PKD1: variants seen among roughly 807,000 people sequenced by gnomAD.
PKD1 encodes the protein polycystin-1.
A neutral mutation model predicts 361.7 loss-of-function variants in PKD1; 81 were observed. That is an observed-to-expected ratio of 0.22 (90% CI 0.19 to 0.27). The LOEUF is 0.27. Ranked by LOEUF, PKD1 falls within the 10% of genes least tolerant of loss-of-function variation. The probability of loss-of-function intolerance (pLI) is 1.00; values close to 1 mark genes in which losing one functional copy is unlikely to be tolerated. For synonymous variants in PKD1, 3,615 were observed against 2,818.3 expected (o/e 1.28, Z -8.95); for missense variants, 6,399 against 6,118.3 (o/e 1.05, Z -1.53).
chr16:2,124,498 C>G (rs947234819), intron 1 of PKD1, among the ~76,000 whole-genome samples: 1 of 152,202 alleles, frequency 6.6e-6, no homozygotes, highest in African/African-American at 2.4e-5. Context: ...GAGCCGGGGT[C>G]GGGGAATGCA....
rs765015291 is a variant in PKD1 at position 2,090,210 on chromosome 16, G to A, written c.12445-16C>T. 7 of 1,607,772 alleles carry A rather than the reference G, an allele frequency of 4.4e-6. No individual in the cohort carries two copies. In the African/African-American group the frequency reaches 6.7e-5, roughly 15 times the overall value. On this transcript the variant is annotated splice_polypyrimidine_tract_variant and intron_variant, in intron 45 of 45. Transcript: ENST00000262304. ...TGTGGCGGAACTGGGGGCGGCACAGGGGCTCAGTCAGTCCGGCTGCACCCT... is the reference window on the plus strand; with the variant it reads ...TGTGGCGGAACTGGGGGCGGCACAGAGGCTCAGTCAGTCCGGCTGCACCCT...
chr16:2,116,259 G>T (rs548774877), intron 8 of PKD1, 141 bp from the exon 9 acceptor site: 3 of 903,672 alleles, frequency 3.3e-6, no homozygotes, highest in African/African-American at 1.6e-5. Context: ...CCTGTCGCTC[G>T]AGAGGAAGAC....
At position 2,091,088 on chromosome 16, in the gene PKD1, G is replaced by C. The variant is rs900006933; in HGVS notation, c.11799C>G (p.Leu3933=). ...HREGRWRVLR[L]GAWARWLLVA... The stretch of plus-strand genomic sequence containing the variant: ...CCAGCAGCCACCGCGCCCAGGCTCC[G>C]AGCCGCAGCACGCGCCAGCGCCCTT... The change falls in exon 43 of 46, where the codon CTC becomes CTG. Residue 3933 remains leucine, a synonymous_variant. Transcript: ENST00000262304. The C allele has an allele frequency of 9.3e-6, 14 of 1,506,528 alleles. No individual in the cohort carries two copies. Among genetic ancestry groups the C allele is most frequent in the Non-Finnish European group, 1.1e-5 (12 of 1,133,018 alleles). 93.3% of individuals were successfully genotyped at this position (1,506,528 alleles called of 1,614,324 possible). A position where few individuals can be genotyped will look rare whatever the true frequency, so the allele number is the denominator to read the frequency against.
chr16:2,093,397 G>C (rs1190384171), intron 37 of PKD1, 147 bp downstream of exon 37: 1 of 814,682 alleles, frequency 1.2e-6, no homozygotes. Flanking sequence ...TGGGGTAGGA[G>C]GGAGACCGGG....
chr16:2,091,169 G>C lies in PKD1; in HGVS notation c.11718C>G (p.Cys3906Trp). The change falls in exon 43 of 46, where the codon TGC becomes TGG. Residue 3906 changes from cysteine (C) to tryptophan (W), a missense_variant. By Grantham distance (215) the Cys-to-Trp change is radical. Transcript: ENST00000262304. Reference sequence around the variant, plus strand: ...CGAAGTGCACGGCGAACAGCAGCAGGCACACCTGTGGGGGGCGCGGTCAGG... The same window carrying C: ...CGAAGTGCACGGCGAACAGCAGCAGCCACACCTGTGGGGGGCGCGGTCAGG... ...GLSLPLLTSV[C>W]LLLFAVHFAV... 3 of 1,454,522 alleles carry C rather than the reference G, an allele frequency of 2.1e-6. No homozygotes were observed. The highest frequency in any genetic ancestry group is 2.7e-6 in the Non-Finnish European group (3 of 1,112,020). The allele number at this position is 1,454,522 out of a possible 1,614,324, so 90.1% of individuals were successfully genotyped here. A position where few individuals can be genotyped will look rare whatever the true frequency, so the allele number is the denominator to read the frequency against.
At position 2,099,894 on chromosome 16, in the gene PKD1, A is replaced by C; in HGVS notation, c.9890T>G (p.Val3297Gly). ...AGAGTCGCCAACAGCCCCGTACCAC[A>C]CGGCGTTGGCGCCCAGGAAGAGGCA... is the stretch of plus-strand genomic sequence containing the variant. Reference protein sequence around the residue: ...LICLFLGANAVWYGAVGDSAY... With the variant: ...LICLFLGANAGWYGAVGDSAY... The change falls in exon 29 of 46, where the codon GTG (valine) becomes GGG (glycine). Residue 3297 changes from valine to glycine, a missense_variant. Physicochemically the swap from Val to Gly is moderately radical, Grantham distance 109. Transcript: ENST00000262304. 2 of 1,566,566 alleles carry C rather than the reference A, an allele frequency of 1.3e-6. No individual in the cohort carries two copies. The highest frequency in any genetic ancestry group is 8.6e-7 in the Non-Finnish European group (1 of 1,157,162).
In PKD1 at chr16:2,110,424, G is replaced by A. The variant is rs759544640; in HGVS notation, c.4743C>T (p.Ser1581=). The A allele has an allele frequency of 6.2e-7, 1 of 1,612,606 alleles. No homozygotes were observed. Among genetic ancestry groups the A allele is most frequent in the African/African-American group, 1.3e-5 (1 of 75,042 alleles). Residue 1581 remains serine, a synonymous_variant, in exon 15 of 46, where the codon TCC becomes TCT. Coordinates refer to ENST00000262304, the MANE Select transcript of PKD1 (RefSeq NM_001009944.3). ...SLEAGSDVRY[S]WVLCDRCTPI... is the part of the protein sequence containing the mutation. ...GCGTGCAGCGGTCACAGAGCACCCA[G>A]GAATAGCGCACATCACTGCCGGCCT... is the stretch of plus-strand genomic sequence containing the variant.
chr16:2,101,103 A>C lies in PKD1; in HGVS notation c.9398-537T>G, dbSNP rs184189229. 8.9e-3 allele frequency among the ~76,000 whole-genome samples: 1,353 copies of C among 151,972 alleles called. 19 individuals carry two copies. The highest frequency in any genetic ancestry group is 0.031 in the African/African-American group (1,293 of 41,434). On this transcript the variant is annotated intron_variant, in intron 26 of 45. Coordinates refer to ENST00000262304, the MANE Select transcript of PKD1 (RefSeq NM_001009944.3). ...CGGGTTCACGCCATTCTCCTGCCTCAGTCTCCCAAGGAGCTGGGACTACAG... is the reference window on the plus strand; with the variant it reads ...CGGGTTCACGCCATTCTCCTGCCTCCGTCTCCCAAGGAGCTGGGACTACAG...
At chr16:2,122,562 G>A (rs1298145449) in intron 1 of PKD1, among the ~76,000 whole-genome samples, 9 of 152,228 alleles carry the variant, frequency 5.9e-5, no homozygotes, top group Non-Finnish European at 8.8e-5. Context: ...CGTGGGGTGG[G>A]ACAGGGTGGT....
intron 1 of PKD1, among the ~76,000 whole-genome samples, chr16:2,127,817 G>T (rs991214976): frequency 6.6e-6 from 1 of 150,500 alleles, no homozygotes; most frequent in Non-Finnish European, 1.5e-5. Context: ...TGACTCCAGG[G>T]CGCAAATTCC....
In PKD1 at chr16:2,109,586, T is replaced by C. The variant is rs774197821; in HGVS notation, c.5581A>G (p.Thr1861Ala). The change falls in exon 15 of 46, where the codon ACC (threonine) becomes GCC (alanine). Residue 1861 changes from threonine to alanine, a missense_variant. Physicochemically the swap from Thr to Ala is moderately conservative, Grantham distance 58 (BLOSUM62 0). Coordinates refer to ENST00000262304, the MANE Select transcript of PKD1 (RefSeq NM_001009944.3). ...GAGGCATTGAGCCGGATGGAGAAGG[T>C]GCCAGCATCCGGGAAGACCATGGTG... is the stretch of plus-strand genomic sequence containing the variant. ...HVTMVFPDAG[T>A]FSIRLNASNA... 5.0e-6 allele frequency: 8 copies of C among 1,611,386 alleles called. No homozygotes were observed. The highest frequency in any genetic ancestry group is 1.1e-5 in the South Asian group (1 of 90,954).
intron 34 of PKD1, 84 bp downstream of exon 34, chr16:2,097,063 AC>A: frequency 1.3e-6 from 1 of 780,524 alleles, no homozygotes; most frequent in Non-Finnish European, 2.1e-6. Context: ...ACCCCACCCT[AC>A]CCCAGGCGGG....
At chr16:2,092,228 T>G in intron 39 of PKD1, 40 bp from the exon 40 acceptor site, 1 of 1,549,252 alleles carries the variant, frequency 6.5e-7, no homozygotes, top group Non-Finnish European at 8.7e-7. Flanking sequence ...CAGGGCCTCA[T>G]CAAAACCCAA....
intron 21 of PKD1, among the ~76,000 whole-genome samples, chr16:2,105,050 G>A (rs1207708935): frequency 1.5e-5 from 2 of 132,574 alleles, no homozygotes; most frequent in Non-Finnish European, 3.3e-5. Context: ...GAGGGGAGGG[G>A]AGAGTGGAGG....
Position 2,114,254 on chromosome 16 carries a change from G to A in PKD1, c.2769C>T (p.Ser923=), listed in dbSNP as rs752300160. ...TGGGCTCCTCCGCCGTCACCCGCAG[G>A]CTGAGGTTGGCCCGGCTGGCGCTGT... ...VENSASRANL[S]LRVTAEEPIC... is the part of the protein sequence containing the mutation. Residue 923 remains serine, a synonymous_variant, in exon 11 of 46, where the codon AGC becomes AGT. Transcript: ENST00000262304. 15 of 1,610,168 alleles carry A rather than the reference G, an allele frequency of 9.3e-6. No homozygotes were observed. The highest frequency in any genetic ancestry group is 8.3e-5 in the Admixed American group (5 of 59,970).
rs538493647 is a variant in PKD1, at chr16:2,104,597, G to A, written c.8062C>T (p.Leu2688=). Residue 2688 remains leucine (L), a synonymous_variant, in exon 22 of 46, where the codon CTG becomes TTG. Transcript: ENST00000262304. ...LVCRSCLKQT[L]HKLEAMMLIL... is the part of the protein sequence containing the mutation. ...AGCATCATGGCCTCCAGCTTGTGCA[G>A]CGTCTGCTTCAGGCACGAGCGGCAT... 6.3e-7 allele frequency: 1 copy of A among 1,596,442 alleles called. No individual in the cohort carries two copies. Among genetic ancestry groups the A allele is most frequent in the African/African-American group, 1.4e-5 (1 of 73,436 alleles).
At chr16:2,107,514 C>T (rs1178317320) in intron 16 of PKD1, 1 of 395,238 alleles carries the variant, frequency 2.5e-6, no homozygotes, top group Non-Finnish European at 4.8e-6. Flanking sequence ...GGTCACCAAG[C>T]CTCCTGGCCG....
chr16:2,092,920 C>A (rs1376579917), intron 38 of PKD1, 34 bp downstream of exon 38: 8 of 1,612,388 alleles, frequency 5.0e-6, no homozygotes, highest in Non-Finnish European at 6.8e-6. Context: ...AAACTAAAGC[C>A]CAGAAGACAG....
At chr16:2,111,993 G>C in intron 14 of PKD1, 122 bp from the exon 15 acceptor site, 1 of 1,078,306 alleles carries the variant, frequency 9.3e-7, no homozygotes, top group Non-Finnish European at 1.4e-6. Context: ...CAGCCTTAAG[G>C]GTCCCAGGCT....
Sources: gnomAD v4.1 joint callset for allele counts (sites outside exome capture counted in the v4.1 genomes callset) on GRCh38, gnomAD v4.1.1 for gene constraint, MANE v1.5 for transcripts, NCBI Gene and HGNC (gene_info 2026-07-23, HGNC 2026-07-21) for gene names.